CNTN6: variants seen among roughly 807,000 people sequenced by gnomAD.
CNTN6 encodes the protein contactin-6.
Under a neutral mutation model 122.8 loss-of-function variants are expected in CNTN6, and 137 were observed. The observed-to-expected ratio is 1.12, with a 90% CI of 0.97 to 1.29. CNTN6 has a LOEUF of 1.29. Among genes scored for constraint, CNTN6 ranks in the 50% most tolerant of loss-of-function variants. The pLI, the probability that CNTN6 is intolerant of heterozygous loss-of-function variation, is 0.00. For synonymous variants in CNTN6, 570 were observed against 426.0 expected (o/e 1.34, Z -4.16); for missense variants, 1,634 against 1,223.4 (o/e 1.34, Z -5.01).
chr3:1,246,860 T>G (rs1048171736), intron 4 of CNTN6, among the ~76,000 whole-genome samples: 1 of 152,148 alleles, frequency 6.6e-6, no homozygotes, highest in African/African-American at 2.4e-5. Context: ...CTTAATTCAT[T>G]TTTCCATATT....
At chr3:1,317,448 G>C (rs367762989) in intron 7 of CNTN6, among the ~76,000 whole-genome samples, 4 of 151,806 alleles carry the variant, frequency 2.6e-5, no homozygotes, top group African/African-American at 9.6e-5. Context: ...ATAATATATT[G>C]GCTAACTGAA....
At chr3:1,165,923 TCCTTC>T (rs2093237691) in intron 2 of CNTN6, among the ~76,000 whole-genome samples, 1 of 152,200 alleles carries the variant, frequency 6.6e-6, no homozygotes, top group Non-Finnish European at 1.5e-5. Flanking sequence ...TTTCATTTCT[TCCTTC>T]CCTTCAAGGG....
intron 2 of CNTN6, among the ~76,000 whole-genome samples, chr3:1,209,628 T>G (rs2094005921): frequency 6.6e-6 from 1 of 151,988 alleles, no homozygotes; most frequent in Admixed American, 6.6e-5. Flanking sequence ...CAATGAAAAT[T>G]TATTTTTATT....
intron 1 of CNTN6, among the ~76,000 whole-genome samples, chr3:1,135,089 G>A (rs570680221): frequency 8.5e-5 from 13 of 152,240 alleles, no homozygotes; most frequent in Admixed American, 7.2e-4. Flanking sequence ...CACCCACAAC[G>A]AAGTATTGCC....
intron 12 of CNTN6, among the ~76,000 whole-genome samples, chr3:1,361,392 T>C (rs155900): frequency 0.68 from 103,532 of 151,962 alleles, 36,580 homozygotes; most frequent in African/African-American, 0.87. Context: ...TTCTTCAGTT[T>C]GGTTTTGTTC....
chr3:1,378,085 C>G (rs537459474), intron 17 of CNTN6, among the ~76,000 whole-genome samples: 45 of 152,194 alleles, frequency 3.0e-4, no homozygotes, highest in South Asian at 1.2e-3. Flanking sequence ...TGAATATTCT[C>G]TCTCTTGTAG....
chr3:1,352,278 A>G (rs369922850), intron 11 of CNTN6, 46 bp from the exon 12 acceptor site: 229 of 1,419,538 alleles, frequency 1.6e-4, no homozygotes, highest in Non-Finnish European at 2.1e-4. Flanking sequence ...ATGATTTACC[A>G]GTGTTGAAGA....
intron 1 of CNTN6, among the ~76,000 whole-genome samples, chr3:1,115,997 T>A (rs1011594472): frequency 6.6e-6 from 1 of 152,180 alleles, no homozygotes; most frequent in African/African-American, 2.4e-5. Context: ...AATAAAATGA[T>A]CCATATCTTG....
intron 17 of CNTN6, 76 bp downstream of exon 17, chr3:1,377,151 A>T: frequency 9.8e-7 from 1 of 1,024,352 alleles, no homozygotes; most frequent in South Asian, 1.5e-5. Flanking sequence ...AAACAAAAAG[A>T]TTTATTTGAT....
At chr3:1,226,103 T>C (rs1409639182) in intron 3 of CNTN6, among the ~76,000 whole-genome samples, 1 of 152,148 alleles carries the variant, frequency 6.6e-6, no homozygotes, top group Non-Finnish European at 1.5e-5. Context: ...CGTCTCAAAC[T>C]CCTGGCCTCA....
intron 16 of CNTN6, among the ~76,000 whole-genome samples, chr3:1,375,429 T>A (rs1709718879): frequency 1.3e-5 from 2 of 152,080 alleles, no homozygotes; most frequent in African/African-American, 4.8e-5. Context: ...TCTGACATCA[T>A]CAAAGACTAA....
At chr3:1,346,556 A>G (rs530855304) in intron 11 of CNTN6, among the ~76,000 whole-genome samples, 3 of 152,030 alleles carry the variant, frequency 2.0e-5, no homozygotes, top group Admixed American at 6.6e-5. Context: ...CTTTGTACAC[A>G]CCAGTTTCTT....
chr3:1,109,276 T>A (rs1183047115), intron 1 of CNTN6, among the ~76,000 whole-genome samples: 2 of 152,114 alleles, frequency 1.3e-5, no homozygotes, highest in African/African-American at 4.8e-5. Flanking sequence ...GCAGTGGCTG[T>A]GGTTTCCACA....
chr3:1,113,771 T>A (rs553210764), intron 1 of CNTN6, among the ~76,000 whole-genome samples: 7 of 152,300 alleles, frequency 4.6e-5, no homozygotes, highest in African/African-American at 1.7e-4. Flanking sequence ...CTCTATTTAA[T>A]CATAGGCTGC....
chr3:1,102,653 G>C (rs927814882), intron 1 of CNTN6, among the ~76,000 whole-genome samples: 5 of 149,808 alleles, frequency 3.3e-5, no homozygotes, highest in Non-Finnish European at 6.0e-5. Flanking sequence ...GCGGGAACCC[G>C]GGGGGCGGAG....
chr3:1,245,225 T>TATATACACACAC (rs2094549037), intron 4 of CNTN6, among the ~76,000 whole-genome samples: 1 of 17,244 alleles, frequency 5.8e-5, no homozygotes, highest in Non-Finnish European at 1.0e-4. Context: ...TATATATATA[T>TATATACACACAC]ATATATATAT....
At chr3:1,144,446 G>A (rs763132217) in intron 1 of CNTN6, among the ~76,000 whole-genome samples, 4 of 151,798 alleles carry the variant, frequency 2.6e-5, no homozygotes, top group Non-Finnish European at 5.9e-5. Flanking sequence ...GTAGTGGAGT[G>A]TGCCTGTAAG....
intron 12 of CNTN6, among the ~76,000 whole-genome samples, chr3:1,353,125 G>T (rs1489648007): frequency 6.6e-6 from 1 of 151,516 alleles, no homozygotes; most frequent in Admixed American, 6.6e-5. Flanking sequence ...TTTCCTTGCT[G>T]CTTTATTTTG....
chr3:1,221,745 A>C (rs1207974004), intron 3 of CNTN6, among the ~76,000 whole-genome samples: 1 of 152,226 alleles, frequency 6.6e-6, no homozygotes, highest in East Asian at 1.9e-4. Flanking sequence ...ACAGATATTT[A>C]GTTAGTAGAA....
Sources: gnomAD v4.1 joint callset for allele counts (sites outside exome capture counted in the v4.1 genomes callset) on GRCh38, gnomAD v4.1.1 for gene constraint, MANE v1.5 for transcripts, NCBI Gene and HGNC (gene_info 2026-07-23, HGNC 2026-07-21) for gene names.